The following MMD variants were observed in gnomAD, a reference collection of about 807,000 sequenced individuals.
MMD encodes the protein monocyte to macrophage differentiation associated.
MMD carries 22 observed loss-of-function variants against 33.6 expected under a neutral mutation model. The ratio of observed to expected loss-of-function variants is 0.66; its 90% CI spans 0.47 to 0.94. The LOEUF (loss-of-function observed/expected upper bound fraction) is 0.94, where lower values mean the gene tolerates loss of function less well. Ranked by LOEUF, MMD falls within the 40% of genes least tolerant of loss-of-function variation. The probability of loss-of-function intolerance (pLI) is 0.00; values close to 1 mark genes in which losing one functional copy is unlikely to be tolerated. For synonymous variants in MMD, 97 were observed against 103.2 expected (o/e 0.94, Z 0.36); for missense variants, 242 against 309.8 (o/e 0.78, Z 1.64).
chr17:55,406,670 C>T (rs748421702), intron 4 of MMD, among the ~76,000 whole-genome samples: 6 of 151,982 alleles, frequency 3.9e-5, no homozygotes, highest in African/African-American at 1.2e-4. Context: ...CACTTGGGGT[C>T]GGAGTTCGAT....
At chr17:55,420,700 C>G (rs910443053) in intron 1 of MMD, among the ~76,000 whole-genome samples, 3 of 152,192 alleles carry the variant, frequency 2.0e-5, no homozygotes, top group African/African-American at 7.2e-5. Flanking sequence ...CACTGCACCC[C>G]CAGCAAACAT....
chr17:55,412,915 T>C (rs1907819296), intron 2 of MMD, among the ~76,000 whole-genome samples: 1 of 152,222 alleles, frequency 6.6e-6, no homozygotes, highest in Non-Finnish European at 1.5e-5. Flanking sequence ...TAAAGTATCT[T>C]CTCTTCAATG....
rs914288062 is a variant in MMD at position 55,392,907 on chromosome 17, C to T, written c.*1427G>A. 6.6e-6 allele frequency: 1 copy of T among 152,052 alleles called. No homozygotes were observed. The highest frequency in any genetic ancestry group is 1.5e-5 in the Non-Finnish European group (1 of 67,996). The allele number at this position is 152,052 out of a possible 1,614,324, so 9.4% of individuals were successfully genotyped here. On this transcript the variant is annotated 3_prime_UTR_variant, in exon 7 of 7. Coordinates refer to ENST00000262065, the MANE Select transcript of MMD (RefSeq NM_012329.3). The stretch of plus-strand genomic sequence containing the variant: ...TTCATCAAAATCAGAGAGTTCTAAA[C>T]ATATACAAAATAAACCTCTTTTAAA...
intron 2 of MMD, among the ~76,000 whole-genome samples, chr17:55,412,017 C>G (rs1479525096): frequency 6.6e-6 from 1 of 152,180 alleles, no homozygotes; most frequent in Non-Finnish European, 1.5e-5. Flanking sequence ...GTTGAGGCTA[C>G]AGTGAGCCAT....
chr17:55,404,435 T>C, intron 4 of MMD: 1 of 978,116 alleles, frequency 1.0e-6, no homozygotes, highest in African/African-American at 1.8e-5. Context: ...GTCCCAGCAC[T>C]CTTATGACGC....
chr17:55,420,946 G>A (rs1007543265), intron 1 of MMD, among the ~76,000 whole-genome samples: 6 of 152,174 alleles, frequency 3.9e-5, no homozygotes, highest in African/African-American at 1.2e-4. Context: ...CCAGCCTTCC[G>A]GTGGCGCCTC....
chr17:55,420,008 G>A (rs1473788506), intron 1 of MMD: 1 of 152,228 alleles, frequency 6.6e-6, no homozygotes, highest in Admixed American at 6.5e-5. Context: ...AGCTGAGAGG[G>A]TAGCATCCTA....
chr17:55,392,946 A>T lies in MMD; in HGVS notation c.*1388T>A, dbSNP rs1412668620. 3 of 152,202 alleles carry T rather than the reference A, an allele frequency of 2.0e-5. No homozygotes were observed. The South Asian group carries it at 6.2e-4, about 32-fold the overall frequency. 9.4% of individuals were successfully genotyped at this position (152,202 alleles called of 1,614,324 possible). On this transcript the variant is annotated 3_prime_UTR_variant, in exon 7 of 7. Transcript: ENST00000262065. ...ACCTCTTTTAAAGCCACATCAGTAA[A>T]AAATTTCAATTAATAAGGTTATCAT...
rs1353817683 is a variant in MMD, at chr17:55,393,781, A to C, written c.*553T>G. ...TGTTGACTGCTTGCTGCAAAAATTT[A>C]CAACATGAATGAGGACCTGCAGAGA... On this transcript the variant is annotated 3_prime_UTR_variant, in exon 7 of 7. Coordinates refer to ENST00000262065, the MANE Select transcript of MMD (RefSeq NM_012329.3). The C allele has an allele frequency of 5.2e-5, 8 of 152,672 alleles. No individual in the cohort carries two copies. The highest frequency in any genetic ancestry group is 1.2e-4 in the Non-Finnish European group (8 of 68,040). 9.5% of individuals were successfully genotyped at this position (152,672 alleles called of 1,614,324 possible).
intron 5 of MMD, among the ~76,000 whole-genome samples, chr17:55,402,569 G>A (rs1907390068): frequency 6.6e-6 from 1 of 152,172 alleles, no homozygotes; most frequent in South Asian, 2.1e-4. Context: ...CAAACTGAAT[G>A]GCCAAGGGTG....
At chr17:55,415,110 T>C (rs1397254862) in intron 1 of MMD, among the ~76,000 whole-genome samples, 1 of 152,098 alleles carries the variant, frequency 6.6e-6, no homozygotes, top group African/African-American at 2.4e-5. Flanking sequence ...TCCATTTCAG[T>C]ATGCTGAGTG....
intron 5 of MMD, among the ~76,000 whole-genome samples, chr17:55,403,172 G>T (rs371447414): frequency 6.6e-6 from 1 of 152,160 alleles, no homozygotes; most frequent in African/African-American, 2.4e-5. Context: ...TGGAATAGGG[G>T]ACCTTGAAGG....
intron 1 of MMD, chr17:55,420,595 A>C (rs1275266829): frequency 2.0e-5 from 3 of 152,208 alleles, no homozygotes; most frequent in Admixed American, 6.5e-5. Flanking sequence ...AAGAAAAAAA[A>C]AATGTGTACT....
intron 3 of MMD, among the ~76,000 whole-genome samples, chr17:55,410,867 G>A (rs958213620): frequency 6.6e-6 from 1 of 152,148 alleles, no homozygotes; most frequent in Non-Finnish European, 1.5e-5. Flanking sequence ...TAAAGAGCAG[G>A]GCTGGGCCTC....
chr17:55,400,807 C>T (rs1907298873), intron 6 of MMD, among the ~76,000 whole-genome samples: 2 of 152,098 alleles, frequency 1.3e-5, no homozygotes, highest in South Asian at 4.2e-4. Flanking sequence ...GACTTCTCAA[C>T]AGTAATTCAA....
chr17:55,405,260 C>G (rs1426575018), intron 4 of MMD, among the ~76,000 whole-genome samples: 2 of 151,784 alleles, frequency 1.3e-5, no homozygotes, highest in Non-Finnish European at 2.9e-5. Context: ...ATCCCAGCTA[C>G]TTGGAAGGCT....
intron 2 of MMD, among the ~76,000 whole-genome samples, chr17:55,413,372 A>G (rs766788519): frequency 3.7e-4 from 57 of 152,248 alleles, no homozygotes; most frequent in Non-Finnish European, 7.2e-4. Flanking sequence ...TAAAAAATTT[A>G]TAATGACATA....
In MMD at chr17:55,416,340, T is replaced by C. The variant is rs1907966831; in HGVS notation, c.27-2108A>G. On this transcript the variant is annotated intron_variant, in intron 1 of 6. Coordinates refer to ENST00000262065, the MANE Select transcript of MMD (RefSeq NM_012329.3). ...TAAAAACAAATAAACTGGATGGCCATGTTTGTGACAGCTTAGTCCCTGATC... is the reference window on the plus strand; with the variant it reads ...TAAAAACAAATAAACTGGATGGCCACGTTTGTGACAGCTTAGTCCCTGATC... 3.9e-5 allele frequency among the ~76,000 whole-genome samples: 6 copies of C among 152,308 alleles called. No individual in the cohort carries two copies. The South Asian group carries it at 1.2e-3, about 32-fold the overall frequency.
chr17:55,394,203 G>T lies in MMD; in HGVS notation c.*131C>A. The T allele has an allele frequency of 3.0e-6, 2 of 677,708 alleles. No individual in the cohort carries two copies. Among genetic ancestry groups the T allele is most frequent in the Non-Finnish European group, 4.5e-6 (2 of 447,664 alleles). 42.0% of individuals were successfully genotyped at this position (677,708 alleles called of 1,614,324 possible). ...AGAACACAGCCTTTATACTTTCACA[G>T]TAATTATATTCAAAAGATATAAAGT... On this transcript the variant is annotated 3_prime_UTR_variant, in exon 7 of 7. Transcript: ENST00000262065.
Sources: allele counts gnomAD v4.1 joint callset (sites outside exome capture counted in the v4.1 genomes callset), GRCh38; gene constraint gnomAD v4.1.1; transcripts MANE v1.5; gene names NCBI Gene and HGNC (gene_info 2026-07-23, HGNC 2026-07-21).